CFAP58: variants seen among roughly 807,000 people sequenced by gnomAD.
CFAP58 encodes cilia and flagella associated protein 58, also known as cilia- and flagella-associated protein 58.
Under a neutral mutation model 119.5 loss-of-function variants are expected in CFAP58, and 88 were observed. That is an observed-to-expected ratio of 0.74 (90% confidence interval 0.62 to 0.88). The LOEUF (loss-of-function observed/expected upper bound fraction) is 0.88. CFAP58 is among the 40% of genes least tolerant of loss of function. The probability of loss-of-function intolerance (pLI) is 0.00; values close to 1 mark genes in which losing one functional copy is unlikely to be tolerated. For synonymous variants in CFAP58, 365 were observed against 366.3 expected (o/e 1.00, Z 0.04); for missense variants, 990 against 1,021.2 (o/e 0.97, Z 0.42).
intron 15 of CFAP58, among the ~76,000 whole-genome samples, chr10:104,433,261 T>G (rs1040713943): frequency 5.3e-5 from 8 of 152,178 alleles, no homozygotes; most frequent in African/African-American, 1.9e-4. Context: ...ATGTGCCTAA[T>G]TTTTGAATTT....
intron 9 of CFAP58, among the ~76,000 whole-genome samples, chr10:104,385,748 C>T (rs1456098586): frequency 2.0e-5 from 3 of 152,096 alleles, no homozygotes; most frequent in Non-Finnish European, 4.4e-5. Flanking sequence ...AGCCCCTGGT[C>T]AAGGATGTAG....
chr10:104,408,523 T>G (rs2012402694), intron 15 of CFAP58, among the ~76,000 whole-genome samples: 1 of 152,248 alleles, frequency 6.6e-6, no homozygotes, highest in African/African-American at 2.4e-5. Context: ...AGGGTGGGAC[T>G]TGGTCCCGGC....
upstream of CFAP58, among the ~76,000 whole-genome samples, chr10:104,350,359 A>T (rs981917926): frequency 2.0e-5 from 3 of 152,232 alleles, no homozygotes; most frequent in African/African-American, 7.2e-5. Flanking sequence ...CTATAATGCC[A>T]CCTAGTGATT....
chr10:104,413,688 C>T (rs2012496639), intron 15 of CFAP58, among the ~76,000 whole-genome samples: 1 of 150,890 alleles, frequency 6.6e-6, no homozygotes, highest in South Asian at 2.1e-4. Flanking sequence ...AACTGCTATC[C>T]ATTACCTGGG....
At chr10:104,356,889 A>G (rs114099662) in intron 1 of CFAP58, among the ~76,000 whole-genome samples, 1,774 of 152,332 alleles carry the variant, frequency 0.012, 46 homozygotes, top group African/African-American at 0.041. Context: ...GAATTTATGT[A>G]TGGCAGATGT....
chr10:104,374,846 C>CAAAA (rs56074829), intron 7 of CFAP58, among the ~76,000 whole-genome samples: 240 of 101,498 alleles, frequency 2.4e-3, no homozygotes, highest in African/African-American at 8.6e-3. Flanking sequence ...CTTATAACTG[C>CAAAA]AAAAAAAAAA....
chr10:104,341,665 T>C, the CFAP58 span, among the ~76,000 whole-genome samples: 2 of 151,522 alleles, frequency 1.3e-5, no homozygotes, highest in East Asian at 1.9e-4. Context: ...TTTATAAATA[T>C]ATAAATTATT....
chr10:104,363,069 C>A (rs1215271621), intron 3 of CFAP58, among the ~76,000 whole-genome samples: 1 of 152,248 alleles, frequency 6.6e-6, no homozygotes, highest in Non-Finnish European at 1.5e-5. Context: ...TCATCACCAT[C>A]AGCATCACTG....
chr10:104,397,683 A>C (rs1020063473), intron 11 of CFAP58, among the ~76,000 whole-genome samples: 3 of 152,190 alleles, frequency 2.0e-5, no homozygotes, highest in African/African-American at 4.8e-5. Context: ...GCCACTGACA[A>C]GTTGAAACCT....
intron 11 of CFAP58, among the ~76,000 whole-genome samples, chr10:104,397,018 T>G (rs1564891351): frequency 6.6e-6 from 1 of 152,206 alleles, no homozygotes; most frequent in Non-Finnish European, 1.5e-5. Flanking sequence ...CACGAGTGGT[T>G]TTACATTTCA....
At chr10:104,383,951 A>C (rs2011872335) in intron 9 of CFAP58, among the ~76,000 whole-genome samples, 1 of 152,196 alleles carries the variant, frequency 6.6e-6, no homozygotes, top group African/African-American at 2.4e-5. Flanking sequence ...TTCCTTTTTA[A>C]GAAAAAACTG....
intron 12 of CFAP58, 101 bp from the exon 13 acceptor site, chr10:104,400,579 T>TG: frequency 1.1e-6 from 1 of 940,154 alleles, no homozygotes; most frequent in Non-Finnish European, 1.7e-6. Context: ...GCCCAGTACA[T>TG]GTGGGCGTTC....
chr10:104,415,522 G>A (rs1384704380), intron 15 of CFAP58, among the ~76,000 whole-genome samples: 4 of 152,138 alleles, frequency 2.6e-5, no homozygotes, highest in Non-Finnish European at 5.9e-5. Context: ...AGGCGGAAAC[G>A]CTGACACCCA....
chr10:104,370,492 A>C (rs2014807810), intron 6 of CFAP58, among the ~76,000 whole-genome samples: 1 of 152,086 alleles, frequency 6.6e-6, no homozygotes, highest in South Asian at 2.1e-4. Context: ...AAACCATCAG[A>C]TCTCGTGAGA....
chr10:104,405,593 T>C (rs2012345280), intron 14 of CFAP58, among the ~76,000 whole-genome samples: 1 of 152,248 alleles, frequency 6.6e-6, no homozygotes, highest in Non-Finnish European at 1.5e-5. Context: ...ACTGTATATC[T>C]TGTTTGAATT....
chr10:104,409,979 T>C (rs1258733303), intron 15 of CFAP58, among the ~76,000 whole-genome samples: 4 of 152,242 alleles, frequency 2.6e-5, no homozygotes, highest in African/African-American at 9.6e-5. Flanking sequence ...CTTTATGTTC[T>C]GTTTTCCTGT....
In CFAP58 at chr10:104,358,486, A is replaced by G. The variant is rs768286443; in HGVS notation, c.155A>G (p.Lys52Arg). The change falls in exon 2 of 18, where the codon AAG (lysine) becomes AGG (arginine). Residue 52 changes from lysine to arginine, a missense_variant. Coordinates refer to ENST00000369704, the MANE Select transcript of CFAP58 (RefSeq NM_001008723.2). ...GAGAGGCTTCATGCTGTCATGAAAAAGTCTTATGACAATGAAAAGCGTCTG... is the reference window on the plus strand; with the variant it reads ...GAGAGGCTTCATGCTGTCATGAAAAGGTCTTATGACAATGAAAAGCGTCTG... ...EYERLHAVMKKSYDNEKRLMA... is the reference protein window; with the variant it reads ...EYERLHAVMKRSYDNEKRLMA... 2 of 1,614,130 alleles carry G rather than the reference A, an allele frequency of 1.2e-6. No individual in the cohort carries two copies. Among genetic ancestry groups the G allele is most frequent in the South Asian group, 2.2e-5 (2 of 91,084 alleles).
chr10:104,376,277 A>G (rs1371184731), intron 7 of CFAP58, among the ~76,000 whole-genome samples: 3 of 151,746 alleles, frequency 2.0e-5, no homozygotes, highest in Non-Finnish European at 4.4e-5. Context: ...CAGACCTCTT[A>G]GATAGGAATT....
chr10:104,377,516 T>C (rs1046760513), intron 8 of CFAP58, among the ~76,000 whole-genome samples: 1 of 152,180 alleles, frequency 6.6e-6, no homozygotes, highest in African/African-American at 2.4e-5. Flanking sequence ...AGTTTTTCCA[T>C]TGAAAGTCAC....
Sources: allele counts gnomAD v4.1 joint callset (sites outside exome capture counted in the v4.1 genomes callset), GRCh38; gene constraint gnomAD v4.1.1; transcripts MANE v1.5; gene names NCBI Gene and HGNC (gene_info 2026-07-23, HGNC 2026-07-21).